DCLRE1C: variants seen among roughly 807,000 people sequenced by gnomAD.
DCLRE1C encodes the protein DNA cross-link repair 1C.
In DCLRE1C, 47 loss-of-function variants were observed where a neutral mutation model predicts 61.4. The observed-to-expected ratio is 0.77, with a 90% confidence interval of 0.61 to 0.98. The LOEUF is 0.98. Ranked by LOEUF, DCLRE1C falls within the 50% of genes least tolerant of loss-of-function variation. The probability of loss-of-function intolerance (pLI) is 0.00; values close to 1 mark genes in which losing one functional copy is unlikely to be tolerated. For missense variants in DCLRE1C, 858 were observed against 816.0 expected, an observed-to-expected ratio of 1.05 and a Z score of -0.63; for synonymous variants, 337 against 287.6, an observed-to-expected ratio of 1.17 and a Z score of -1.74.
rs182353070 is a variant in DCLRE1C at position 14,946,909 on chromosome 10, C to T, written c.162-1720G>A. Among the ~76,000 whole-genome samples, 29 of 152,250 alleles carry T rather than the reference C, an allele frequency of 1.9e-4. No homozygotes were observed. The East Asian group carries it at 4.1e-3, about 21-fold the overall frequency. ...CTGGGATTATAAGCCTAAGCCACTACGCCTGGCCTAAAGAGACTTTTAGAG... is the reference window on the plus strand; with the variant it reads ...CTGGGATTATAAGCCTAAGCCACTATGCCTGGCCTAAAGAGACTTTTAGAG... On this transcript the variant is annotated intron_variant, in intron 2 of 13. Coordinates refer to ENST00000378278, the MANE Select transcript of DCLRE1C (RefSeq NM_001033855.3).
chr10:14,930,473 C>T (rs1838801107), intron 9 of DCLRE1C, among the ~76,000 whole-genome samples: 1 of 151,708 alleles, frequency 6.6e-6, no homozygotes, highest in South Asian at 2.1e-4. Context: ...TGCTCTGTCA[C>T]CCAGACTGGA....
At chr10:14,919,692 G>C in intron 13 of DCLRE1C, 46 bp downstream of exon 13, 2 of 1,449,826 alleles carry the variant, frequency 1.4e-6, no homozygotes, top group Non-Finnish European at 9.7e-7. Flanking sequence ...GGAAAGCAGT[G>C]TTTGCAGGGA....
At chr10:14,902,551 T>C, downstream of DCLRE1C, 2 of 1,306,766 alleles carry the variant, frequency 1.5e-6, no homozygotes, top group Non-Finnish European at 2.1e-6. Flanking sequence ...ATAATATTTT[T>C]TTCCTAATGT....
At chr10:14,947,633 G>A (rs564288515) in intron 2 of DCLRE1C, 1 of 152,308 alleles carries the variant, frequency 6.6e-6, no homozygotes, top group South Asian at 2.1e-4. Flanking sequence ...ATAATAGTAG[G>A]ATCTATTCAA....
intron 1 of DCLRE1C, among the ~76,000 whole-genome samples, chr10:14,950,798 G>T (rs1250265334): frequency 6.6e-6 from 1 of 152,196 alleles, no homozygotes; most frequent in Non-Finnish European, 1.5e-5. Context: ...CTTCCAGCTG[G>T]TAGTCACAAG....
At chr10:14,928,246 G>T in intron 9 of DCLRE1C, 94 bp from the exon 10 acceptor site, 1 of 1,109,878 alleles carries the variant, frequency 9.0e-7, no homozygotes, top group Non-Finnish European at 1.3e-6. Flanking sequence ...AAAGTTTCCA[G>T]ACACGAAAAA....
intron 12 of DCLRE1C, among the ~76,000 whole-genome samples, chr10:14,922,487 A>G (rs2130779654): frequency 6.6e-6 from 1 of 152,066 alleles, no homozygotes; most frequent in East Asian, 1.9e-4. Context: ...AAACCCAAAG[A>G]AGAGGTAAGA....
chr10:14,903,857 A>C (rs1834179037), downstream of DCLRE1C: 1 of 152,216 alleles, frequency 6.6e-6, no homozygotes, highest in South Asian at 2.1e-4. Flanking sequence ...AATTGAACCA[A>C]CTTCAAGAAT....
At chr10:14,934,858 C>T (rs1839642866) in intron 6 of DCLRE1C, 83 bp from the exon 7 acceptor site, 28 of 966,214 alleles carry the variant, frequency 2.9e-5, no homozygotes, top group Middle Eastern at 2.1e-4. Flanking sequence ...GATGGAGTTT[C>T]GCTCTGTTGC....
At chr10:14,954,238 G>T, upstream of DCLRE1C, 1 of 661,714 alleles carries the variant, frequency 1.5e-6, no homozygotes, top group Non-Finnish European at 2.6e-6. Flanking sequence ...TTCGCTGCAC[G>T]CGATGGGCCC....
intron 11 of DCLRE1C, among the ~76,000 whole-genome samples, chr10:14,926,601 C>A (rs529436079): frequency 5.1e-4 from 77 of 149,910 alleles, no homozygotes; most frequent in Non-Finnish European, 1.0e-3. Flanking sequence ...TTGCAGTGAG[C>A]CGAGAACACA....
intron 13 of DCLRE1C, among the ~76,000 whole-genome samples, chr10:14,912,308 G>A (rs915404812): frequency 4.6e-5 from 7 of 152,022 alleles, no homozygotes; most frequent in Non-Finnish European, 7.4e-5. Flanking sequence ...CATCCGCCTC[G>A]GCCTCCCAAA....
rs1769112553 is a variant in DCLRE1C, at chr10:14,908,044, G to A, written c.*364C>T. On this transcript the variant is annotated 3_prime_UTR_variant, in exon 14 of 14. Transcript: ENST00000378278. ...GCCTGGCCTTTTTCTTTTTTAAACA[G>A]GGTCTTGCTCTGTCACCCAGACTAG... 5.3e-6 allele frequency: 1 copy of A among 189,684 alleles called. No homozygotes were observed. Among genetic ancestry groups the A allele is most frequent in the African/African-American group, 2.4e-5 (1 of 41,492 alleles). The allele number at this position is 189,684 out of a possible 1,614,324, so 11.8% of individuals were successfully genotyped here. A position where few individuals can be genotyped will look rare whatever the true frequency, so the allele number is the denominator to read the frequency against.
At position 14,909,156 on chromosome 10, in the gene DCLRE1C, G is replaced by A. The variant is rs761553201; in HGVS notation, c.1331C>T (p.Ser444Phe). The A allele has an allele frequency of 1.2e-6, 2 of 1,614,186 alleles. No individual in the cohort carries two copies. The highest frequency in any genetic ancestry group is 1.7e-6 in the Non-Finnish European group (2 of 1,180,030). The change falls in exon 14 of 14, where the codon TCT becomes TTT. Residue 444 changes from serine to phenylalanine, a missense_variant. Physicochemically the swap from Ser to Phe is radical, Grantham distance 155 (BLOSUM62 -2). This residue lies in a region of DCLRE1C where 843 missense variants were observed against 783.5 expected (regional missense o/e 1.08). Transcript: ENST00000378278. ...ACAATCTACAAAGTTTGTGAAACGAGAGCTCTGCATACACTCTGCTCTGCA... is the reference window on the plus strand; with the variant it reads ...ACAATCTACAAAGTTTGTGAAACGAAAGCTCTGCATACACTCTGCTCTGCA... The part of the protein sequence containing the change: ...GCCRAECMQS[S>F]RFTNFVDCEE...
rs1013182702 is a variant in DCLRE1C, at chr10:14,909,072, T to C, written c.1415A>G (p.Asp472Gly). Residue 472 changes from aspartate (D) to glycine (G), a missense_variant, in exon 14 of 14, where the codon GAT becomes GGT. Transcript: ENST00000378278. Reference sequence around the variant, plus strand: ...TTGCAGGTGAAGTACAGAGCCCAGATCTCCTTGCAGTGAAGCTGGGATTCC... The same window carrying C: ...TTGCAGGTGAAGTACAGAGCCCAGACCTCCTTGCAGTGAAGCTGGGATTCC... Reference protein sequence around the residue: ...EVGIPASLQGDLGSVLHLQKA... With the variant: ...EVGIPASLQGGLGSVLHLQKA... The C allele has an allele frequency of 5.0e-6, 8 of 1,614,228 alleles. No individual in the cohort carries two copies. The highest frequency in any genetic ancestry group is 1.7e-5 in the Admixed American group (1 of 60,034).
intron 1 of DCLRE1C, among the ~76,000 whole-genome samples, chr10:14,950,703 C>G (rs983216268): frequency 1.3e-5 from 2 of 152,196 alleles, no homozygotes; most frequent in Non-Finnish European, 2.9e-5. Flanking sequence ...TGAATGCAGA[C>G]TCTGCATCCT....
In DCLRE1C at chr10:14,897,387, C is replaced by G. The variant is rs781457576; in HGVS notation, c.*1777G>C. 6 of 1,613,122 alleles carry G rather than the reference C, an allele frequency of 3.7e-6. No individual in the cohort carries two copies. The highest frequency in any genetic ancestry group is 5.1e-6 in the Non-Finnish European group (6 of 1,179,890). On this transcript the variant is annotated 3_prime_UTR_variant, in exon 14 of 14. Transcript: ENST00000378289. Reference sequence around the variant, plus strand: ...AGGTGTCAGTGTGGTCCTGATTGTCCCAATAGGATTGTACAAAAAGGCACA... The same window carrying G: ...AGGTGTCAGTGTGGTCCTGATTGTCGCAATAGGATTGTACAAAAAGGCACA...
At chr10:14,949,119 T>C (rs760205605) in intron 1 of DCLRE1C, 32 bp from the exon 2 acceptor site, 1 of 1,495,768 alleles carries the variant, frequency 6.7e-7, no homozygotes, top group South Asian at 1.1e-5. Flanking sequence ...CTCATGAATA[T>C]GTTTTTCCAG....
At chr10:14,897,475 G>C in exon 14 of DCLRE1C, 1 of 1,585,102 alleles carries the variant, frequency 6.3e-7, no homozygotes, top group South Asian at 1.2e-5. Flanking sequence ...AGACCCTTGT[G>C]AAGATTAAAA....
Sources: allele counts gnomAD v4.1 joint callset (sites outside exome capture counted in the v4.1 genomes callset), GRCh38; gene constraint gnomAD v4.1.1; regional missense constraint gnomAD v4.1.1; transcripts MANE v1.5; gene names NCBI Gene and HGNC (gene_info 2026-07-23, HGNC 2026-07-21).